Variants in MAF observed in about 807,000 individuals in gnomAD.
MAF encodes transcription factor Maf.
In MAF, 10 loss-of-function variants were observed where a neutral mutation model predicts 22.0. That is an observed-to-expected ratio of 0.45 (90% CI 0.28 to 0.77). The LOEUF is 0.77. MAF is among the 30% of genes least tolerant of loss of function. The probability of loss-of-function intolerance (pLI) is 0.12; values close to 1 mark genes in which losing one functional copy is unlikely to be tolerated. For synonymous variants in MAF, 337 were observed against 255.8 expected, an observed-to-expected ratio of 1.32 and a Z score of -3.03; for missense variants, 544 against 548.4, an observed-to-expected ratio of 0.99 and a Z score of 0.08.
At chr16:79,443,406 T>C in the MAF span, among the ~76,000 whole-genome samples, 875 of 152,266 alleles carry the variant, frequency 5.7e-3, 5 homozygotes, top group African/African-American at 0.02. Flanking sequence ...GCAGCCCCAC[T>C]AACTGGGGGA....
At chr16:79,489,476 G>C in the MAF span, among the ~76,000 whole-genome samples, 17 of 152,340 alleles carry the variant, frequency 1.1e-4, no homozygotes, top group Middle Eastern at 3.4e-3. Context: ...TTCTCAGAAA[G>C]AGAGCAGACA....
chr16:79,525,503 C>A, the MAF span, among the ~76,000 whole-genome samples: 14 of 152,078 alleles, frequency 9.2e-5, no homozygotes, highest in Admixed American at 8.5e-4. Context: ...GAAGGGCAAG[C>A]AAAATAAAGC....
the MAF span, among the ~76,000 whole-genome samples, chr16:79,480,433 A>G: frequency 6.6e-6 from 1 of 152,124 alleles, no homozygotes; most frequent in African/African-American, 2.4e-5. Context: ...TGAGACAAGC[A>G]AGGGAAGAAG....
the MAF span, among the ~76,000 whole-genome samples, chr16:79,425,663 A>AT: frequency 0.6 from 87,957 of 145,388 alleles, 27,051 homozygotes; most frequent in East Asian, 0.91. Flanking sequence ...ATCAATTTAG[A>AT]TTTTTTTTTT....
the MAF span, among the ~76,000 whole-genome samples, chr16:79,326,285 A>G: frequency 3.3e-5 from 5 of 152,196 alleles, no homozygotes; most frequent in Admixed American, 2.6e-4. Context: ...ACTAAAATGT[A>G]TAAAAGTACT....
chr16:79,314,240 T>C, the MAF span, among the ~76,000 whole-genome samples: 1 of 152,156 alleles, frequency 6.6e-6, no homozygotes, highest in East Asian at 1.9e-4. Context: ...TTGCAAGGTG[T>C]TCACCCTTCC....
At chr16:79,313,137 G>A in the MAF span, among the ~76,000 whole-genome samples, 4 of 152,158 alleles carry the variant, frequency 2.6e-5, no homozygotes, top group Admixed American at 1.3e-4. Flanking sequence ...AGCGTGCCAC[G>A]AAGATCGAAT....
chr16:79,546,493 G>C, the MAF span, among the ~76,000 whole-genome samples: 2 of 152,130 alleles, frequency 1.3e-5, no homozygotes, highest in East Asian at 3.8e-4. Flanking sequence ...GAAAGCAGAA[G>C]CGTTCATCTT....
At chr16:79,309,807 T>C in the MAF span, among the ~76,000 whole-genome samples, 2 of 152,106 alleles carry the variant, frequency 1.3e-5, no homozygotes, top group African/African-American at 2.4e-5. Context: ...GAAGAGCAAA[T>C]TGAGAAAACT....
the MAF span, among the ~76,000 whole-genome samples, chr16:79,387,725 A>G: frequency 6.6e-6 from 1 of 152,222 alleles, no homozygotes; most frequent in Admixed American, 6.5e-5. Flanking sequence ...TATATTGAGA[A>G]TATCTGAGAT....
chr16:79,277,273 G>A, the MAF span, among the ~76,000 whole-genome samples: 3 of 152,106 alleles, frequency 2.0e-5, no homozygotes, highest in African/African-American at 2.4e-5. Flanking sequence ...AAAGGAATTC[G>A]CATACAGGGG....
the MAF span, among the ~76,000 whole-genome samples, chr16:79,317,944 A>ACTCG: frequency 4.6e-5 from 7 of 150,566 alleles, no homozygotes; most frequent in African/African-American, 1.7e-4. Flanking sequence ...TCACTCACTC[A>ACTCG]CTCACTCACT....
chr16:79,475,390 G>T, the MAF span, among the ~76,000 whole-genome samples: 2 of 151,494 alleles, frequency 1.3e-5, no homozygotes, highest in African/African-American at 4.9e-5. Context: ...GTGTATGCAA[G>T]AAAGAAGTAG....
chr16:79,452,201 C>T, the MAF span, among the ~76,000 whole-genome samples: 2 of 152,210 alleles, frequency 1.3e-5, no homozygotes, highest in African/African-American at 4.8e-5. Flanking sequence ...TTGCTGACCC[C>T]TGACAGAGTA....
At chr16:79,353,920 A>G in the MAF span, among the ~76,000 whole-genome samples, 1 of 152,158 alleles carries the variant, frequency 6.6e-6, no homozygotes, top group Non-Finnish European at 1.5e-5. Flanking sequence ...GGATCACTGC[A>G]CACTTACCAG....
At chr16:79,214,491 C>T in the MAF span, among the ~76,000 whole-genome samples, 1 of 152,000 alleles carries the variant, frequency 6.6e-6, no homozygotes, top group Non-Finnish European at 1.5e-5. Context: ...CTGCAACCTC[C>T]ACCTCCCAGG....
chr16:79,496,714 C>A, the MAF span, among the ~76,000 whole-genome samples: 1 of 152,146 alleles, frequency 6.6e-6, no homozygotes, highest in Non-Finnish European at 1.5e-5. Flanking sequence ...TCAATGCAAG[C>A]ACATTTAATA....
chr16:79,367,853 C>A, the MAF span, among the ~76,000 whole-genome samples: 8 of 152,228 alleles, frequency 5.3e-5, no homozygotes, highest in African/African-American at 1.9e-4. Flanking sequence ...TCTGCTTCTG[C>A]AAGTCCTGTG....
At chr16:79,355,772 C>T in the MAF span, among the ~76,000 whole-genome samples, 5 of 152,242 alleles carry the variant, frequency 3.3e-5, no homozygotes, top group East Asian at 1.9e-4. Context: ...TCAACTCTCC[C>T]GGCCTCCACT....
Sources: allele counts gnomAD v4.1 joint callset (sites outside exome capture counted in the v4.1 genomes callset), GRCh38; gene constraint gnomAD v4.1.1; transcripts MANE v1.5; gene names NCBI Gene and HGNC (gene_info 2026-07-23, HGNC 2026-07-21).